FLI1: variants seen among roughly 807,000 people sequenced by gnomAD.
FLI1 encodes the protein Fli-1 proto-oncogene, ETS transcription factor, also known as Friend leukemia integration 1 transcription factor.
In FLI1, 13 loss-of-function variants were observed where a neutral mutation model predicts 53.1. The observed-to-expected ratio is 0.24, with a 90% CI of 0.16 to 0.39. The LOEUF (loss-of-function observed/expected upper bound fraction) is 0.39, where lower values mean the gene tolerates loss of function less well. Ranked by LOEUF, FLI1 falls within the 10% of genes least tolerant of loss-of-function variation. The pLI is 1.00. For missense variants in FLI1, 424 were observed against 600.5 expected (o/e 0.71, Z 3.07); for synonymous variants, 244 against 236.7 (o/e 1.03, Z -0.28).
intron 1 of FLI1, 80 bp downstream of exon 1, chr11:128,694,356 C>T: frequency 8.8e-7 from 1 of 1,139,862 alleles, no homozygotes; most frequent in Non-Finnish European, 1.1e-6. Context: ...GCGGGGCCCG[C>T]GTCCCGGAAG....
chr11:128,718,553 G>GGA (rs1214511441), intron 1 of FLI1, among the ~76,000 whole-genome samples: 9 of 152,224 alleles, frequency 5.9e-5, no homozygotes, highest in Non-Finnish European at 1.3e-4. Context: ...GGGCGGGAAG[G>GGA]AGTAGGTGGT....
chr11:128,729,255 A>G (rs1020931882), intron 1 of FLI1, among the ~76,000 whole-genome samples: 2 of 152,182 alleles, frequency 1.3e-5, no homozygotes, highest in Non-Finnish European at 2.9e-5. Context: ...AGCTTATTAT[A>G]TTTATCAACC....
At chr11:128,797,743 C>G (rs1361038986) in intron 5 of FLI1, among the ~76,000 whole-genome samples, 2 of 152,158 alleles carry the variant, frequency 1.3e-5, no homozygotes, top group Admixed American at 1.3e-4. Flanking sequence ...CAATTAAATC[C>G]AATAAGTTGG....
chr11:128,803,069 G>A (rs1225932792), intron 5 of FLI1, among the ~76,000 whole-genome samples: 2 of 152,192 alleles, frequency 1.3e-5, no homozygotes, highest in Non-Finnish European at 2.9e-5. Context: ...ACTTGAGACA[G>A]ATTTTATCCA....
chr11:128,685,895 G>A (rs1301023021), upstream of FLI1, among the ~76,000 whole-genome samples: 2 of 152,098 alleles, frequency 1.3e-5, no homozygotes, highest in Non-Finnish European at 2.9e-5. Context: ...ACCCACTCAC[G>A]CAGAGGCACC....
At chr11:128,778,429 A>G (rs796443022) in intron 4 of FLI1, among the ~76,000 whole-genome samples, 7 of 152,200 alleles carry the variant, frequency 4.6e-5, no homozygotes, top group African/African-American at 1.4e-4. Context: ...AGTTTTGCCT[A>G]TTTCTACGAT....
At chr11:128,772,003 T>C (rs1345135709) in intron 3 of FLI1, among the ~76,000 whole-genome samples, 1 of 150,996 alleles carries the variant, frequency 6.6e-6, no homozygotes, top group African/African-American at 2.4e-5. Flanking sequence ...AACTCATCAC[T>C]TGTGCTGAAA....
chr11:128,735,044 GA>G (rs1939862584), intron 1 of FLI1, among the ~76,000 whole-genome samples: 1 of 152,190 alleles, frequency 6.6e-6, no homozygotes, highest in Non-Finnish European at 1.5e-5. Flanking sequence ...TTATGACCAC[GA>G]ACGTAGTCCT....
At chr11:128,705,255 C>G (rs748491398) in intron 1 of FLI1, among the ~76,000 whole-genome samples, 5 of 152,240 alleles carry the variant, frequency 3.3e-5, no homozygotes, top group African/African-American at 4.8e-5. Flanking sequence ...CTTCACAACT[C>G]TTTATTCAAG....
At chr11:128,685,643 T>C (rs1162486259), upstream of FLI1, among the ~76,000 whole-genome samples, 1 of 139,532 alleles carries the variant, frequency 7.2e-6, no homozygotes, top group Non-Finnish European at 1.5e-5. Flanking sequence ...GCGAAGGGAA[T>C]CTCTGGGCCC....
intron 1 of FLI1, among the ~76,000 whole-genome samples, chr11:128,708,868 T>C (rs1037036707): frequency 1.3e-5 from 2 of 152,190 alleles, no homozygotes; most frequent in African/African-American, 4.8e-5. Context: ...AGTCAGCCAA[T>C]ATTCAGTTAG....
chr11:128,722,064 C>G (rs1034171292), intron 1 of FLI1, among the ~76,000 whole-genome samples: 3 of 152,124 alleles, frequency 2.0e-5, no homozygotes, highest in African/African-American at 7.2e-5. Flanking sequence ...AAGACCCACC[C>G]CGCAGAAACC....
upstream of FLI1, among the ~76,000 whole-genome samples, chr11:128,689,854 G>A (rs1216417388): frequency 8.4e-6 from 1 of 119,338 alleles, no homozygotes; most frequent in Admixed American, 7.7e-5. Context: ...TCCCCAACCC[G>A]CCCGCCCCCG....
chr11:128,697,896 T>A (rs1938155150), intron 1 of FLI1, among the ~76,000 whole-genome samples: 1 of 152,144 alleles, frequency 6.6e-6, no homozygotes, highest in Admixed American at 6.5e-5. Context: ...ACAATCTCAG[T>A]TGAGTGGTGA....
chr11:128,696,495 C>T (rs1357402972), intron 1 of FLI1, among the ~76,000 whole-genome samples: 1 of 152,144 alleles, frequency 6.6e-6, no homozygotes, highest in Non-Finnish European at 1.5e-5. Flanking sequence ...AATGAACCGT[C>T]CATTAAGCCT....
intron 5 of FLI1, among the ~76,000 whole-genome samples, chr11:128,795,699 C>A (rs1361329914): frequency 6.6e-6 from 1 of 151,984 alleles, no homozygotes; most frequent in African/African-American, 2.4e-5. Context: ...TACAGGCACC[C>A]ACCACCACGC....
At chr11:128,802,156 G>C (rs1942652323) in intron 5 of FLI1, among the ~76,000 whole-genome samples, 1 of 152,192 alleles carries the variant, frequency 6.6e-6, no homozygotes, top group African/African-American at 2.4e-5. Flanking sequence ...TGCAAGGCTG[G>C]CCTGGTTCTT....
chr11:128,749,479 C>A (rs561869201), intron 1 of FLI1, among the ~76,000 whole-genome samples: 12 of 152,166 alleles, frequency 7.9e-5, no homozygotes, highest in African/African-American at 2.9e-4. Flanking sequence ...AGCATGGTGG[C>A]GATTTCCACG....
intron 1 of FLI1, among the ~76,000 whole-genome samples, chr11:128,705,975 T>C (rs1238281552): frequency 1.3e-5 from 2 of 152,320 alleles, no homozygotes; most frequent in East Asian, 3.9e-4. Context: ...GTCGATGAGC[T>C]ACTTGAATTC....
Sources: gnomAD v4.1 joint callset for allele counts (sites outside exome capture counted in the v4.1 genomes callset) on GRCh38, gnomAD v4.1.1 for gene constraint, MANE v1.5 for transcripts, NCBI Gene and HGNC (gene_info 2026-07-23, HGNC 2026-07-21) for gene names.